Variants in TADA2A observed in about 807,000 individuals in gnomAD.
TADA2A encodes transcriptional adaptor 2A.
Under a neutral mutation model 67.4 loss-of-function variants are expected in TADA2A, and 38 were observed. The ratio of observed to expected loss-of-function variants is 0.56; its 90% CI spans 0.44 to 0.74. The LOEUF (loss-of-function observed/expected upper bound fraction) is 0.74, where lower values mean the gene tolerates loss of function less well. Among genes scored for constraint, TADA2A ranks in the 30% least tolerant of loss-of-function variants. The pLI is 0.00. For synonymous variants in TADA2A, 192 were observed against 181.6 expected, an observed-to-expected ratio of 1.06 and a Z score of -0.46; for missense variants, 454 against 547.0, an observed-to-expected ratio of 0.83 and a Z score of 1.70.
chr17:37,417,494 AT>A (rs1468297273), intron 2 of TADA2A, among the ~76,000 whole-genome samples: 2 of 152,214 alleles, frequency 1.3e-5, no homozygotes, highest in Non-Finnish European at 1.5e-5. Context: ...CAAGTTTACT[AT>A]TTGGAAATAA....
chr17:37,432,942 T>TTTC, intron 4 of TADA2A, among the ~76,000 whole-genome samples: 1 of 148,414 alleles, frequency 6.7e-6, no homozygotes, highest in Admixed American at 6.7e-5. Context: ...TTTTTTTTTT[T>TTTC]TTTTTTTTTT....
chr17:37,460,480 G>C (rs1364489822), intron 9 of TADA2A, among the ~76,000 whole-genome samples: 1 of 151,842 alleles, frequency 6.6e-6, no homozygotes, highest in Non-Finnish European at 1.5e-5. Context: ...CCAGGCCTCA[G>C]GTGATCCGCC....
At chr17:37,426,898 T>A in intron 3 of TADA2A, 52 bp from the exon 4 acceptor site, 1 of 1,528,734 alleles carries the variant, frequency 6.5e-7, no homozygotes, top group Non-Finnish European at 8.9e-7. Flanking sequence ...ACAAACCTCC[T>A]CTGTCCTTTA....
intron 2 of TADA2A, among the ~76,000 whole-genome samples, chr17:37,422,873 G>T (rs2147924676): frequency 6.6e-6 from 1 of 152,220 alleles, no homozygotes; most frequent in East Asian, 1.9e-4. Context: ...TCTTTATATT[G>T]TATGTGCAGG....
intron 7 of TADA2A, among the ~76,000 whole-genome samples, chr17:37,443,560 C>T (rs539093060): frequency 6.6e-6 from 1 of 152,250 alleles, no homozygotes; most frequent in South Asian, 2.1e-4. Flanking sequence ...GGCTTGTAGT[C>T]TGGTTCTTAT....
intron 9 of TADA2A, among the ~76,000 whole-genome samples, chr17:37,459,513 C>T (rs994451133): frequency 2.6e-5 from 4 of 151,162 alleles, no homozygotes; most frequent in Non-Finnish European, 4.4e-5. Context: ...GAACTCCCCA[C>T]CTTAAGTGAT....
chr17:37,457,905 G>GT (rs2053439045), intron 8 of TADA2A, among the ~76,000 whole-genome samples: 1 of 152,146 alleles, frequency 6.6e-6, no homozygotes, highest in Non-Finnish European at 1.5e-5. Flanking sequence ...CAAAAAAGGT[G>GT]TTTAATAGAA....
intron 2 of TADA2A, 119 bp downstream of exon 2, chr17:37,411,509 G>A (rs1253349259): frequency 2.1e-6 from 2 of 961,062 alleles, no homozygotes; most frequent in Non-Finnish European, 3.3e-6. Flanking sequence ...TGCAACTTCT[G>A]CCTCCCGGCT....
intron 12 of TADA2A, among the ~76,000 whole-genome samples, chr17:37,469,282 C>T (rs772425425): frequency 9.2e-5 from 14 of 151,896 alleles, no homozygotes; most frequent in Non-Finnish European, 1.9e-4. Context: ...TATAATGGCT[C>T]TTTAACAGTG....
chr17:37,446,621 A>G (rs768333672), intron 8 of TADA2A, among the ~76,000 whole-genome samples: 10 of 151,712 alleles, frequency 6.6e-5, no homozygotes, highest in Non-Finnish European at 1.2e-4. Context: ...CTTTAAAACA[A>G]ATTTTTAAAA....
chr17:37,407,708 G>A (rs1180662341), intron 1 of TADA2A, among the ~76,000 whole-genome samples: 5 of 151,944 alleles, frequency 3.3e-5, no homozygotes, highest in Non-Finnish European at 7.4e-5. Flanking sequence ...CGCCTCCCAG[G>A]CTCAAGCGAT....
At position 37,470,424 on chromosome 17, in the gene TADA2A, A is replaced by G; in HGVS notation, c.920A>G (p.Lys307Arg). ...FCSARTYDHL[K>R]KTREEERLKR... The stretch of plus-strand genomic sequence containing the variant: ...GGTGCCAGAACCTACGATCACCTCA[A>G]GAAGACACGGGAGGAAGAGCGCCTT... Residue 307 changes from lysine (K) to arginine (R), a missense_variant, in exon 13 of 16, where the codon AAG becomes AGG. By Grantham distance (26) the Lys-to-Arg change is conservative. Around this residue, in one of 2 missense-constraint regions of TADA2A, gnomAD observed 403 missense variants for 455.5 expected, o/e 0.88. Coordinates refer to ENST00000615182, the MANE Select transcript of TADA2A (RefSeq NM_001166105.3). 1.2e-6 allele frequency: 2 copies of G among 1,613,938 alleles called. No individual in the cohort carries two copies. The highest frequency in any genetic ancestry group is 2.2e-5 in the East Asian group (1 of 44,852).
chr17:37,456,325 A>T (rs1194520795), intron 8 of TADA2A, among the ~76,000 whole-genome samples: 1 of 152,246 alleles, frequency 6.6e-6, no homozygotes, highest in Non-Finnish European at 1.5e-5. Flanking sequence ...GAATTACACC[A>T]TTACATTGTG....
At chr17:37,465,577 G>A (rs2053647142) in intron 11 of TADA2A, 36 bp downstream of exon 11, 1 of 1,612,962 alleles carries the variant, frequency 6.2e-7, no homozygotes, top group Non-Finnish European at 8.5e-7. Flanking sequence ...GTATTTGTGT[G>A]TGTATATTTA....
chr17:37,423,685 T>G (rs1175051562), intron 3 of TADA2A, 70 bp downstream of exon 3: 1 of 1,180,348 alleles, frequency 8.5e-7, no homozygotes, highest in Admixed American at 2.2e-5. Flanking sequence ...ATTTCGGAGA[T>G]TACTGTCAAC....
chr17:37,439,567 C>G (rs2052836013), intron 5 of TADA2A, among the ~76,000 whole-genome samples: 1 of 152,022 alleles, frequency 6.6e-6, no homozygotes, highest in Admixed American at 6.6e-5. Context: ...ACAGATGTGC[C>G]CCACCATGCC....
At chr17:37,438,190 A>G in intron 5 of TADA2A, 1 of 170,768 alleles carries the variant, frequency 5.9e-6, no homozygotes, top group Non-Finnish European at 1.2e-5. Context: ...TAGTCATTTA[A>G]GTGAATCAGA....
At chr17:37,471,254 T>A in intron 14 of TADA2A, 117 bp downstream of exon 14, 2 of 1,011,522 alleles carry the variant, frequency 2.0e-6, no homozygotes, top group East Asian at 2.6e-5. Context: ...AGAGTAACAG[T>A]AATCAAGTGT....
intron 3 of TADA2A, among the ~76,000 whole-genome samples, chr17:37,424,378 G>A (rs995725233): frequency 6.5e-4 from 98 of 150,378 alleles, no homozygotes; most frequent in Non-Finnish European, 1.3e-3. Flanking sequence ...TTTTTGAGAC[G>A]AAGTCTCGCT....
Sources: allele counts gnomAD v4.1 joint callset (sites outside exome capture counted in the v4.1 genomes callset), GRCh38; gene constraint gnomAD v4.1.1; regional missense constraint gnomAD v4.1.1; transcripts MANE v1.5; gene names NCBI Gene and HGNC (gene_info 2026-07-23, HGNC 2026-07-21).